The following KCNK13 variants were observed in gnomAD, a reference collection of about 807,000 sequenced individuals.
KCNK13 encodes the protein potassium two pore domain channel subfamily K member 13.
In KCNK13, 12 loss-of-function variants were observed where a neutral mutation model predicts 23.4. That is an observed-to-expected ratio of 0.51 (90% CI 0.33 to 0.83). The LOEUF is 0.83. KCNK13 is among the 40% of genes least tolerant of loss of function. KCNK13 has a pLI of 0.02. For missense variants in KCNK13, 463 were observed against 556.3 expected (o/e 0.83, Z 1.69); for synonymous variants, 231 against 229.5 (o/e 1.01, Z -0.06).
chr14:90,080,562 T>C (rs1046170992), intron 1 of KCNK13, among the ~76,000 whole-genome samples: 7 of 152,204 alleles, frequency 4.6e-5, no homozygotes, highest in Non-Finnish European at 8.8e-5. Flanking sequence ...TGTTTTATTG[T>C]TACTATCTTA....
chr14:90,154,094 G>A (rs1323880894), intron 1 of KCNK13, among the ~76,000 whole-genome samples: 1 of 152,080 alleles, frequency 6.6e-6, no homozygotes, highest in Non-Finnish European at 1.5e-5. Context: ...CCCTAATTAG[G>A]CAGCATGTGC....
intron 1 of KCNK13, chr14:90,107,937 C>T (rs1889566419): frequency 1.3e-6 from 1 of 743,968 alleles, no homozygotes; most frequent in Non-Finnish European, 2.5e-6. Flanking sequence ...GATCTAGTCA[C>T]TATGCAATAG....
At chr14:90,183,082 C>A (rs1338880709) in intron 1 of KCNK13, among the ~76,000 whole-genome samples, 1 of 152,098 alleles carries the variant, frequency 6.6e-6, no homozygotes, top group Non-Finnish European at 1.5e-5. Context: ...GCTCTCTTTT[C>A]TATTTCTGTT....
At chr14:90,170,441 T>C (rs1435328417) in intron 1 of KCNK13, among the ~76,000 whole-genome samples, 1 of 152,178 alleles carries the variant, frequency 6.6e-6, no homozygotes, top group East Asian at 1.9e-4. Flanking sequence ...CTCCAACTCC[T>C]GACCTCAGGT....
At chr14:90,160,490 A>T (rs567995984) in intron 1 of KCNK13, among the ~76,000 whole-genome samples, 3 of 152,180 alleles carry the variant, frequency 2.0e-5, no homozygotes, top group Non-Finnish European at 4.4e-5. Flanking sequence ...GCCTTGAAAG[A>T]TGAGTACTTA....
chr14:90,095,501 A>ATT (rs57559667), intron 1 of KCNK13, among the ~76,000 whole-genome samples: 4 of 150,416 alleles, frequency 2.7e-5, no homozygotes, highest in Non-Finnish European at 4.4e-5. Context: ...CAGCTATCTT[A>ATT]TTTTTTTTTC....
chr14:90,164,018 A>T (rs887494085), intron 1 of KCNK13, among the ~76,000 whole-genome samples: 3 of 152,176 alleles, frequency 2.0e-5, no homozygotes, highest in African/African-American at 7.2e-5. Context: ...AAAGTCACTT[A>T]CCAAAGACTC....
At chr14:90,065,081 G>A (rs116031762) in intron 1 of KCNK13, among the ~76,000 whole-genome samples, 2,460 of 152,244 alleles carry the variant, frequency 0.016, 53 homozygotes, top group African/African-American at 0.056. Flanking sequence ...CACTGTTCAT[G>A]TTTTGGTCCA....
chr14:90,156,959 C>T (rs1243500876), intron 1 of KCNK13, among the ~76,000 whole-genome samples: 1 of 152,102 alleles, frequency 6.6e-6, no homozygotes, highest in Non-Finnish European at 1.5e-5. Flanking sequence ...TGCATAAATG[C>T]ATAGGTTTGG....
intron 1 of KCNK13, among the ~76,000 whole-genome samples, chr14:90,134,973 G>C (rs1889918453): frequency 6.6e-6 from 1 of 152,202 alleles, no homozygotes; most frequent in Non-Finnish European, 1.5e-5. Flanking sequence ...GCTCATCGTA[G>C]ACATGACTGA....
At chr14:90,125,568 A>G (rs1889787840) in intron 1 of KCNK13, among the ~76,000 whole-genome samples, 1 of 149,652 alleles carries the variant, frequency 6.7e-6, no homozygotes, top group Non-Finnish European at 1.5e-5. Flanking sequence ...AATCATATGT[A>G]CCAAATAAGG....
chr14:90,085,731 A>ACT (rs1889264361), intron 1 of KCNK13, among the ~76,000 whole-genome samples: 2 of 138,776 alleles, frequency 1.4e-5, no homozygotes, highest in African/African-American at 5.3e-5. Flanking sequence ...TATATAATAT[A>ACT]TATATACTTA....
intron 1 of KCNK13, among the ~76,000 whole-genome samples, chr14:90,160,944 T>C (rs1031414232): frequency 6.6e-6 from 1 of 152,176 alleles, no homozygotes; most frequent in African/African-American, 2.4e-5. Flanking sequence ...ATATTCTTTT[T>C]TAATATGTAC....
At chr14:90,100,501 A>G (rs1422706677) in intron 1 of KCNK13, among the ~76,000 whole-genome samples, 1 of 152,212 alleles carries the variant, frequency 6.6e-6, no homozygotes, top group Non-Finnish European at 1.5e-5. Flanking sequence ...GGAAGGCCTA[A>G]TCAGTCCCAA....
chr14:90,140,143 G>A (rs1275791377), intron 1 of KCNK13, among the ~76,000 whole-genome samples: 2 of 152,068 alleles, frequency 1.3e-5, no homozygotes, highest in Admixed American at 1.3e-4. Flanking sequence ...AGACGTAAGG[G>A]TTAAAACAGG....
At chr14:90,138,524 T>G (rs1889964865) in intron 1 of KCNK13, among the ~76,000 whole-genome samples, 1 of 152,150 alleles carries the variant, frequency 6.6e-6, no homozygotes, top group African/African-American at 2.4e-5. Flanking sequence ...TCAAGGGAGA[T>G]TTGGAGGTTG....
At chr14:90,177,892 T>A (rs1228509255) in intron 1 of KCNK13, among the ~76,000 whole-genome samples, 1 of 152,216 alleles carries the variant, frequency 6.6e-6, no homozygotes, top group African/African-American at 2.4e-5. Flanking sequence ...CAAAAGCATT[T>A]TAATTGCTGC....
At chr14:90,108,929 C>A (rs1889579041) in intron 1 of KCNK13, among the ~76,000 whole-genome samples, 1 of 152,186 alleles carries the variant, frequency 6.6e-6, no homozygotes, top group African/African-American at 2.4e-5. Context: ...GTAATCCCAG[C>A]ACTTTGGGAG....
At chr14:90,089,986 G>A (rs993098735) in intron 1 of KCNK13, among the ~76,000 whole-genome samples, 3 of 152,220 alleles carry the variant, frequency 2.0e-5, no homozygotes, top group Non-Finnish European at 2.9e-5. Context: ...TTGAAGGGGC[G>A]GGGCTCTCAT....
Sources: allele counts gnomAD v4.1 joint callset (sites outside exome capture counted in the v4.1 genomes callset), GRCh38; gene constraint gnomAD v4.1.1; transcripts MANE v1.5; gene names NCBI Gene and HGNC (gene_info 2026-07-23, HGNC 2026-07-21).